Variants in ATF6 observed in about 807,000 individuals in gnomAD.
ATF6 encodes the protein cyclic AMP-dependent transcription factor ATF-6 alpha.
ATF6 carries 53 observed loss-of-function variants against 83.6 expected under a neutral mutation model. The ratio of observed to expected loss-of-function variants is 0.63; its 90% CI spans 0.51 to 0.80. The LOEUF (loss-of-function observed/expected upper bound fraction) is 0.80, where lower values mean the gene tolerates loss of function less well. Ranked by LOEUF, ATF6 falls within the 30% of genes least tolerant of loss-of-function variation. The pLI is 0.00. For missense variants in ATF6, 744 were observed against 797.9 expected, an observed-to-expected ratio of 0.93 and a Z score of 0.81; for synonymous variants, 288 against 285.8, an observed-to-expected ratio of 1.01 and a Z score of -0.08.
chr1:161,801,359 C>CTT (rs1170991022), intron 6 of ATF6, among the ~76,000 whole-genome samples: 102 of 95,264 alleles, frequency 1.1e-3, no homozygotes, highest in Non-Finnish European at 1.4e-3. Flanking sequence ...TATTTGTAGT[C>CTT]TTTTTTTTTT....
chr1:161,830,013 T>G (rs1011185886), intron 9 of ATF6, among the ~76,000 whole-genome samples: 1 of 152,204 alleles, frequency 6.6e-6, no homozygotes, highest in Admixed American at 6.5e-5. Flanking sequence ...GAAGTCAAAT[T>G]GTTTGCAGAT....
intron 9 of ATF6, among the ~76,000 whole-genome samples, chr1:161,839,504 G>A (rs1394299462): frequency 1.3e-5 from 2 of 152,060 alleles, no homozygotes; most frequent in African/African-American, 2.4e-5. Context: ...TGGGACCACA[G>A]GCACACTCCA....
intron 1 of ATF6, among the ~76,000 whole-genome samples, chr1:161,777,385 G>C (rs1684539653): frequency 6.6e-6 from 1 of 152,188 alleles, no homozygotes. Flanking sequence ...GCGGTGAAAT[G>C]TTACTGTAAT....
chr1:161,766,515 C>A, intron 1 of ATF6, 73 bp downstream of exon 1: 1 of 1,474,094 alleles, frequency 6.8e-7, no homozygotes, highest in Non-Finnish European at 9.4e-7. Flanking sequence ...CTACTTCCGC[C>A]CACTCGTGGT....
intron 9 of ATF6, among the ~76,000 whole-genome samples, chr1:161,842,242 A>G (rs562480652): frequency 3.3e-5 from 5 of 152,308 alleles, no homozygotes; most frequent in African/African-American, 9.6e-5. Flanking sequence ...AGTTTAGAAT[A>G]ATGGTTCTCA....
chr1:161,802,658 G>A (rs1414994220), intron 7 of ATF6, among the ~76,000 whole-genome samples: 1 of 152,112 alleles, frequency 6.6e-6, no homozygotes, highest in Non-Finnish European at 1.5e-5. Flanking sequence ...TCAGATAAGA[G>A]TCTATAGATT....
intron 4 of ATF6, among the ~76,000 whole-genome samples, chr1:161,787,307 G>C (rs1294242423): frequency 6.6e-6 from 1 of 152,110 alleles, no homozygotes; most frequent in Non-Finnish European, 1.5e-5. Flanking sequence ...TATCTGTATG[G>C]ATTCATCGTT....
chr1:161,963,436 T>G lies in ATF6; in HGVS notation c.*4782T>G, dbSNP rs2101930120. 6.6e-6 allele frequency: 1 copy of G among 152,352 alleles called. No individual in the cohort carries two copies. Among genetic ancestry groups the G allele is most frequent in the Non-Finnish European group, 1.5e-5 (1 of 68,038 alleles). 9.4% of individuals were successfully genotyped at this position (152,352 alleles called of 1,614,324 possible). On this transcript the variant is annotated 3_prime_UTR_variant, in exon 16 of 16. Transcript: ENST00000367942. The stretch of plus-strand genomic sequence containing the variant: ...TTTGCTAACTTTAAGCATTAGGGAT[T>G]TAGCACACTAAAATACTTTTAATTA...
intron 14 of ATF6, among the ~76,000 whole-genome samples, chr1:161,873,319 T>A (rs888656462): frequency 7.9e-5 from 12 of 151,600 alleles, no homozygotes; most frequent in Admixed American, 6.6e-4. Context: ...TTTCTCACAT[T>A]AAGTTAGAAA....
At chr1:161,802,319 C>T in intron 7 of ATF6, 47 bp downstream of exon 7, 1 of 1,531,894 alleles carries the variant, frequency 6.5e-7, no homozygotes, top group Non-Finnish European at 8.9e-7. Flanking sequence ...ATTTAAAAAC[C>T]AACAAAAAAA....
At chr1:161,771,908 T>C (rs1206926266) in intron 1 of ATF6, among the ~76,000 whole-genome samples, 1 of 152,230 alleles carries the variant, frequency 6.6e-6, no homozygotes, top group Non-Finnish European at 1.5e-5. Context: ...ACCTGTCATT[T>C]TCTGGACCTC....
At chr1:161,915,979 A>T (rs1180167664) in intron 15 of ATF6, among the ~76,000 whole-genome samples, 1 of 151,922 alleles carries the variant, frequency 6.6e-6, no homozygotes, top group Non-Finnish European at 1.5e-5. Context: ...TTGACTTCAC[A>T]TCCTATTTCT....
chr1:161,792,203 A>G lies in ATF6; in HGVS notation c.564A>G (p.Ala188=). 2 of 1,614,194 alleles carry G rather than the reference A, an allele frequency of 1.2e-6. No individual in the cohort carries two copies. The highest frequency in any genetic ancestry group is 1.7e-6 in the Non-Finnish European group (2 of 1,180,006). ...AGCCCAAGCCTTTATTGCTTCCAGCAGCACCCAAGACTCAAACAAACTCCA... is the reference window on the plus strand; with the variant it reads ...AGCCCAAGCCTTTATTGCTTCCAGCGGCACCCAAGACTCAAACAAACTCCA... ...SIQPKPLLLP[A]APKTQTNSSV... is the part of the protein sequence containing the mutation. The change falls in exon 6 of 16, where the codon GCA becomes GCG. Residue 188 remains alanine, a synonymous_variant. Coordinates refer to ENST00000367942, the MANE Select transcript of ATF6 (RefSeq NM_007348.4).
chr1:161,795,356 T>A (rs1479517791), intron 6 of ATF6, among the ~76,000 whole-genome samples: 1 of 152,210 alleles, frequency 6.6e-6, no homozygotes, highest in African/African-American at 2.4e-5. Context: ...CTCTTCTAAG[T>A]GCTTAAGTGC....
At chr1:161,866,367 G>A (rs1188695970) in intron 14 of ATF6, among the ~76,000 whole-genome samples, 7 of 152,098 alleles carry the variant, frequency 4.6e-5, no homozygotes, top group East Asian at 3.8e-4. Context: ...ACAGTTGAGC[G>A]GTTGAAATTA....
chr1:161,787,501 G>A (rs998322227), intron 4 of ATF6, among the ~76,000 whole-genome samples: 1 of 152,050 alleles, frequency 6.6e-6, no homozygotes, highest in African/African-American at 2.4e-5. Context: ...TCCTCACTCT[G>A]CTGTGACTCC....
intron 15 of ATF6, among the ~76,000 whole-genome samples, chr1:161,916,411 A>G (rs1298316624): frequency 6.6e-6 from 1 of 152,200 alleles, no homozygotes; most frequent in Non-Finnish European, 1.5e-5. Context: ...CCAGATTTTA[A>G]AACCTATTTG....
chr1:161,813,387 T>C (rs1213941821), intron 7 of ATF6, among the ~76,000 whole-genome samples: 1 of 152,186 alleles, frequency 6.6e-6, no homozygotes, highest in Admixed American at 6.5e-5. Context: ...TTAAATTAAG[T>C]GTATCTATTT....
intron 9 of ATF6, among the ~76,000 whole-genome samples, chr1:161,839,915 A>G (rs1332586588): frequency 6.6e-6 from 1 of 152,222 alleles, no homozygotes; most frequent in Admixed American, 6.5e-5. Context: ...GGAGAGGTCA[A>G]TTGAGGTAAG....
Sources: allele counts gnomAD v4.1 joint callset (sites outside exome capture counted in the v4.1 genomes callset), GRCh38; gene constraint gnomAD v4.1.1; transcripts MANE v1.5; gene names NCBI Gene and HGNC (gene_info 2026-07-23, HGNC 2026-07-21).